The following ANO2 variants were observed in gnomAD, a reference collection of about 807,000 sequenced individuals.
ANO2 encodes the protein anoctamin-2.
A neutral mutation model predicts 124.2 loss-of-function variants in ANO2; 101 were observed. The ratio of observed to expected loss-of-function variants is 0.81; its 90% CI spans 0.69 to 0.96. The LOEUF (loss-of-function observed/expected upper bound fraction) is 0.96. Ranked by LOEUF, ANO2 falls within the 40% of genes least tolerant of loss-of-function variation. The probability of loss-of-function intolerance (pLI) is 0.00; values close to 1 mark genes in which losing one functional copy is unlikely to be tolerated. For missense variants in ANO2, 1,293 were observed against 1,274.5 expected (o/e 1.01, Z -0.22); for synonymous variants, 486 against 482.5 (o/e 1.01, Z -0.09).
At chr12:5,813,435 C>T (rs1404060268) in intron 7 of ANO2, among the ~76,000 whole-genome samples, 1 of 152,106 alleles carries the variant, frequency 6.6e-6, no homozygotes, top group African/African-American at 2.4e-5. Context: ...CGGACCTTGC[C>T]CCTGCAGATT....
chr12:5,706,029 G>A (rs906014805), intron 14 of ANO2, among the ~76,000 whole-genome samples: 4 of 152,124 alleles, frequency 2.6e-5, no homozygotes, highest in African/African-American at 7.2e-5. Context: ...GGGGAGATTC[G>A]GGATGCCATG....
chr12:5,918,729 A>G (rs61908412), intron 3 of ANO2, among the ~76,000 whole-genome samples: 23,064 of 152,108 alleles, frequency 0.15, 1,985 homozygotes, highest in Middle Eastern at 0.2. Context: ...ATGAGCCACC[A>G]CACCCAGCCA....
At chr12:5,785,757 A>T (rs1952522429) in intron 10 of ANO2, among the ~76,000 whole-genome samples, 1 of 152,138 alleles carries the variant, frequency 6.6e-6, no homozygotes, top group Admixed American at 6.5e-5. Flanking sequence ...TTGGAGCAGC[A>T]GTCCCCATGC....
intron 3 of ANO2, among the ~76,000 whole-genome samples, chr12:5,918,476 G>A (rs1941507914): frequency 7.3e-6 from 1 of 136,476 alleles, no homozygotes; most frequent in African/African-American, 2.8e-5. Context: ...GTCTCCCTCT[G>A]TCGCCCAGGC....
chr12:5,649,809 TGTG>T (rs1946827997), intron 14 of ANO2, among the ~76,000 whole-genome samples: 2 of 151,944 alleles, frequency 1.3e-5, no homozygotes, highest in African/African-American at 4.8e-5. Flanking sequence ...TGTGTGTGTG[TGTG>T]TGTGTATTTT....
Position 5,599,638 on chromosome 12 carries a change from GA to G in ANO2, c.2088-10del, listed in dbSNP as rs1303672293. 1 of 1,613,072 alleles carries G rather than the reference GA, an allele frequency of 6.2e-7. No individual in the cohort carries two copies. The highest frequency in any genetic ancestry group is 8.5e-7 in the Non-Finnish European group (1 of 1,179,704). On this transcript the variant is annotated splice_polypyrimidine_tract_variant and intron_variant, in intron 19 of 24. Transcript: ENST00000682330. Reference sequence around the variant, plus strand: ...ATAGTTTCTTTAGCTTCCTGGAAAAGAAATGGATTAAGTTACAAAAAGCCTC... The same window carrying G: ...ATAGTTTCTTTAGCTTCCTGGAAAAGAATGGATTAAGTTACAAAAAGCCTC...
At chr12:5,583,525 C>A (rs978837469) in intron 20 of ANO2, among the ~76,000 whole-genome samples, 1 of 150,440 alleles carries the variant, frequency 6.6e-6, no homozygotes, top group African/African-American at 2.4e-5. Flanking sequence ...CAGTGGCGGG[C>A]GCCTGTAGTC....
At chr12:5,832,318 G>C (rs1264999796) in intron 5 of ANO2, 134 bp downstream of exon 5, 3 of 1,025,456 alleles carry the variant, frequency 2.9e-6, no homozygotes, top group Admixed American at 2.4e-5. Context: ...GTCACCATGA[G>C]AGCATGCTTC....
intron 10 of ANO2, 134 bp downstream of exon 10, chr12:5,799,370 AGAG>A (rs1487220956): frequency 4.0e-6 from 3 of 757,944 alleles, no homozygotes; most frequent in Non-Finnish European, 6.5e-6. Context: ...CATGAGACAC[AGAG>A]GAGTGGATCA....
chr12:5,773,704 G>T (rs570246120), intron 10 of ANO2, among the ~76,000 whole-genome samples: 7 of 152,142 alleles, frequency 4.6e-5, no homozygotes, highest in Non-Finnish European at 7.4e-5. Context: ...AGCCCAGAAA[G>T]GTTCTCTCCA....
chr12:5,935,298 G>A (rs1158297985), intron 1 of ANO2, among the ~76,000 whole-genome samples: 3 of 152,032 alleles, frequency 2.0e-5, no homozygotes, highest in Non-Finnish European at 4.4e-5. Flanking sequence ...GAGAAAAGGA[G>A]GTTCAATAGC....
At chr12:5,878,137 T>C (rs11063898) in intron 3 of ANO2, among the ~76,000 whole-genome samples, 55,343 of 152,188 alleles carry the variant, frequency 0.36, 11,997 homozygotes, top group South Asian at 0.58. Flanking sequence ...CTACAATCAC[T>C]ACTATGAATG....
intron 15 of ANO2, among the ~76,000 whole-genome samples, chr12:5,642,761 C>T (rs1348847981): frequency 6.6e-6 from 1 of 152,176 alleles, no homozygotes. Flanking sequence ...CAGGGCTCCT[C>T]GTTACTTCTC....
intron 14 of ANO2, among the ~76,000 whole-genome samples, chr12:5,656,751 G>A (rs79662874): frequency 0.013 from 1,933 of 152,336 alleles, 45 homozygotes; most frequent in African/African-American, 0.044. Flanking sequence ...CAGGACCTCA[G>A]TTCTGAAAAC....
At chr12:5,592,489 G>A (rs150532328) in intron 20 of ANO2, among the ~76,000 whole-genome samples, 3 of 152,274 alleles carry the variant, frequency 2.0e-5, no homozygotes, top group African/African-American at 4.8e-5. Context: ...ACACACACGC[G>A]GGCCTGCAAG....
chr12:5,686,578 G>A (rs1015137848), intron 14 of ANO2, among the ~76,000 whole-genome samples: 2 of 152,184 alleles, frequency 1.3e-5, no homozygotes, highest in African/African-American at 4.8e-5. Context: ...ACAGGGGAGC[G>A]ATTAATCCCA....
intron 3 of ANO2, among the ~76,000 whole-genome samples, chr12:5,890,852 C>T (rs1939341065): frequency 6.6e-6 from 1 of 152,224 alleles, no homozygotes; most frequent in Non-Finnish European, 1.5e-5. Flanking sequence ...CATTCACTTA[C>T]AGGATTGGTC....
chr12:5,818,193 T>C (rs1344525996), intron 7 of ANO2, among the ~76,000 whole-genome samples: 1 of 128,708 alleles, frequency 7.8e-6, no homozygotes, highest in South Asian at 2.9e-4. Context: ...TTTGAGTCAG[T>C]GGGCTGGGAA....
intron 3 of ANO2, among the ~76,000 whole-genome samples, chr12:5,919,133 G>A (rs930260269): frequency 1.3e-5 from 2 of 152,188 alleles, no homozygotes; most frequent in Non-Finnish European, 2.9e-5. Context: ...GCAATGCTGA[G>A]TGTGATGAAG....
Sources: allele counts gnomAD v4.1 joint callset (sites outside exome capture counted in the v4.1 genomes callset), GRCh38; gene constraint gnomAD v4.1.1; transcripts MANE v1.5; gene names NCBI Gene and HGNC (gene_info 2026-07-23, HGNC 2026-07-21).